Variants in MMP8 observed in about 807,000 individuals in gnomAD.
MMP8 encodes the protein matrix metallopeptidase 8, also known as neutrophil collagenase.
MMP8 carries 67 observed loss-of-function variants against 51.2 expected under a neutral mutation model. The observed-to-expected ratio is 1.31, with a 90% CI of 1.08 to 1.60. The LOEUF (loss-of-function observed/expected upper bound fraction) is 1.60. Ranked by LOEUF, MMP8 falls within the 40% of genes most tolerant of loss-of-function variation. The pLI, the probability that MMP8 is intolerant of heterozygous loss-of-function variation, is 0.00. For synonymous variants in MMP8, 225 were observed against 191.0 expected, an observed-to-expected ratio of 1.18 and a Z score of -1.47; for missense variants, 654 against 558.1, an observed-to-expected ratio of 1.17 and a Z score of -1.73.
chr11:102,723,426 C>T, intron 1 of MMP8: 1 of 424,766 alleles, frequency 2.4e-6, no homozygotes, highest in South Asian at 1.7e-5. Context: ...GTTGCTATAA[C>T]AGAATATCTG....
At chr11:102,721,264 G>T in intron 4 of MMP8, 137 bp downstream of exon 4, 1 of 1,279,454 alleles carries the variant, frequency 7.8e-7, no homozygotes, top group Non-Finnish European at 1.1e-6. Flanking sequence ...TCATGAGGTA[G>T]CAAAAATTTC....
Position 102,715,331 on chromosome 11 carries a change from C to A in MMP8, c.1009G>T (p.Asp337Tyr), listed in dbSNP as rs1239397796. Residue 337 changes from aspartate to tyrosine, a missense_variant, in exon 7 of 10, where the codon GAC becomes TAC. Transcript: ENST00000236826. ...TTAAATAGGAAAATGAGGTCTCTGT[C>A]AAAATCTTCATAAGCAGCCTGTATA... ...TGIQAAYEDFDRDLIFLFKGN... is the reference protein window; with the variant it reads ...TGIQAAYEDFYRDLIFLFKGN... The A allele has an allele frequency of 1.2e-6, 2 of 1,611,992 alleles. No individual in the cohort carries two copies. The highest frequency in any genetic ancestry group is 1.7e-6 in the Non-Finnish European group (2 of 1,179,336).
rs761450040 is a variant in MMP8 at position 102,718,517 on chromosome 11, G to T, written c.681C>A (p.His227Gln). Residue 227 changes from histidine to glutamine, a missense_variant, in exon 5 of 10, where the codon CAC becomes CAA. Coordinates refer to ENST00000236826, the MANE Select transcript of MMP8 (RefSeq NM_002424.3). The stretch of plus-strand genomic sequence containing the variant: ...ACATCAAGGCACCAGGGTCAGAGGA[G>T]TGAGCGAGCCCCAAAGAATGGCCAA... ...HEFGHSLGLA[H>Q]SSDPGALMYP... 3 of 1,614,000 alleles carry T rather than the reference G, an allele frequency of 1.9e-6. No homozygotes were observed. The highest frequency in any genetic ancestry group is 2.5e-6 in the Non-Finnish European group (3 of 1,179,918).
Position 102,711,934 on chromosome 11 carries a change from A to T in MMP8, c.*1414T>A, listed in dbSNP as rs962426975. 1.3e-5 allele frequency: 2 copies of T among 152,202 alleles called. No homozygotes were observed. The highest frequency in any genetic ancestry group is 1.3e-4 in the Admixed American group (2 of 15,282). The allele number at this position is 152,202 out of a possible 1,614,324, so 9.4% of individuals were successfully genotyped here. A position where few individuals can be genotyped will look rare whatever the true frequency, so the allele number is the denominator to read the frequency against. On this transcript the variant is annotated 3_prime_UTR_variant, in exon 10 of 10. Coordinates refer to ENST00000236826, the MANE Select transcript of MMP8 (RefSeq NM_002424.3). ...AAAGAAAATAGGAGGTACTAGTGAG[A>T]AATATATTTTACAGTCTACATATTT...
chr11:102,721,287 T>G, intron 4 of MMP8, 114 bp downstream of exon 4: 1 of 1,443,070 alleles, frequency 6.9e-7, no homozygotes, highest in Non-Finnish European at 9.3e-7. Flanking sequence ...ATGATCACTT[T>G]TTGTGAGTTT....
chr11:102,718,515 G>A lies in MMP8; in HGVS notation c.683C>T (p.Ser228Phe). ...EFGHSLGLAHSSDPGALMYPN... is the reference protein window; with the variant it reads ...EFGHSLGLAHFSDPGALMYPN... The stretch of plus-strand genomic sequence containing the variant: ...ATACATCAAGGCACCAGGGTCAGAG[G>A]AGTGAGCGAGCCCCAAAGAATGGCC... The change falls in exon 5 of 10, where the codon TCC becomes TTC. Residue 228 changes from serine to phenylalanine, a missense_variant. Transcript: ENST00000236826. 1 of 1,613,962 alleles carries A rather than the reference G, an allele frequency of 6.2e-7. No individual in the cohort carries two copies. The highest frequency in any genetic ancestry group is 1.1e-5 in the South Asian group (1 of 91,072).
In MMP8 at chr11:102,713,794, TG is replaced by T; in HGVS notation, c.1253del (p.Pro418GlnfsTer3). On this transcript the variant is annotated frameshift_variant, in exon 9 of 10. Transcript: ENST00000236826. LOFTEE classifies it low-confidence loss of function (END_TRUNC). ...CTGCATCAACTTTACTCTCTATTCC[TG>T]GAAAGGCACCTGATATGCTTTTGGG... ...GYPKSISGAF[P>X]GIESKVDAVF... The T allele has an allele frequency of 1.2e-6, 2 of 1,612,206 alleles. No homozygotes were observed. Among genetic ancestry groups the T allele is most frequent in the Non-Finnish European group, 1.7e-6 (2 of 1,179,194 alleles).
intron 6 of MMP8, among the ~76,000 whole-genome samples, chr11:102,716,098 T>G (rs1043183109): frequency 6.6e-6 from 1 of 152,088 alleles, no homozygotes; most frequent in African/African-American, 2.4e-5. Flanking sequence ...ATGGTACAAA[T>G]AGTCTTTAAA....
In MMP8 at chr11:102,722,496, G is replaced by A; in HGVS notation, c.280C>T (p.Pro94Ser). 1 of 1,613,880 alleles carries A rather than the reference G, an allele frequency of 6.2e-7. No individual in the cohort carries two copies. Among genetic ancestry groups the A allele is most frequent in the Non-Finnish European group, 8.5e-7 (1 of 1,179,848 alleles). Residue 94 changes from proline to serine, a missense_variant, in exon 2 of 10, where the codon CCT (proline) becomes TCT (serine). Coordinates refer to ENST00000236826, the MANE Select transcript of MMP8 (RefSeq NM_002424.3). ...GTTAACATAAAACCACCACTGTCAG[G>A]CACTCCACAGCGAGGCTTTTTCATC... The part of the protein sequence containing the change: ...DMMKKPRCGV[P>S]DSGGFMLTPG...
At chr11:102,723,640 C>T in intron 1 of MMP8, 1 of 349,646 alleles carries the variant, frequency 2.9e-6, no homozygotes, top group Non-Finnish European at 5.7e-6. Flanking sequence ...AATACCCATT[C>T]TATTAATTAC....
chr11:102,723,256 G>A (rs904270890), intron 1 of MMP8, among the ~76,000 whole-genome samples: 3 of 152,102 alleles, frequency 2.0e-5, no homozygotes, highest in African/African-American at 7.2e-5. Context: ...TAACTCTTTG[G>A]AAGTGTTAAA....
rs1861164328 is a variant in MMP8 at position 102,712,840 on chromosome 11, A to G, written c.*508T>C. On this transcript the variant is annotated 3_prime_UTR_variant, in exon 10 of 10. Transcript: ENST00000236826. ...TATCTTTTATGGGGGACACAATTCA[A>G]CCCACGAAACATATCATCTACATTT... 1 of 152,484 alleles carries G rather than the reference A, an allele frequency of 6.6e-6. No individual in the cohort carries two copies. The highest frequency in any genetic ancestry group is 2.4e-5 in the African/African-American group (1 of 41,428). 9.4% of individuals were successfully genotyped at this position (152,484 alleles called of 1,614,324 possible).
At position 102,721,338 on chromosome 11, in the gene MMP8, G is replaced by GTGTC. The variant is rs1861463589; in HGVS notation, c.622+62_622+63insGACA. 3 of 1,397,768 alleles carry GTGTC rather than the reference G, an allele frequency of 2.1e-6. No homozygotes were observed. In the Admixed American group the frequency reaches 5.1e-5, roughly 24 times the overall value. 86.6% of individuals were successfully genotyped at this position (1,397,768 alleles called of 1,614,324 possible). A position where few individuals can be genotyped will look rare whatever the true frequency, so the allele number is the denominator to read the frequency against. ...CTTTATTGTGTGTGTGTGTGTGTGT[G>GTGTC]TATTCTAATCTGTAAAAGGTTAATT... On this transcript the variant is annotated intron_variant, in intron 4 of 9. Transcript: ENST00000236826.
rs566409553 is a variant in MMP8, at chr11:102,716,490, A to C, written c.785-71T>G. ...TAAGTCCGGTGTGACTCTTGGGTAC[A>C]TCAGAGACTTCTCAGAAAGGTGAAG... On this transcript the variant is annotated intron_variant, in intron 5 of 9. Coordinates refer to ENST00000236826, the MANE Select transcript of MMP8 (RefSeq NM_002424.3). 9 of 931,492 alleles carry C rather than the reference A, an allele frequency of 9.7e-6. No individual in the cohort carries two copies. The South Asian group carries it at 1.3e-4, about 14-fold the overall frequency. 57.7% of individuals were successfully genotyped at this position (931,492 alleles called of 1,614,324 possible). A position where few individuals can be genotyped will look rare whatever the true frequency, so the allele number is the denominator to read the frequency against.
At position 102,721,336 on chromosome 11, in the gene MMP8, G is replaced by GTGTT. The variant is rs397813248; in HGVS notation, c.622+64_622+65insAACA. The GTGTT allele has an allele frequency of 4.4e-6, 6 of 1,366,594 alleles. No individual in the cohort carries two copies. In the East Asian group the frequency reaches 1.4e-4, roughly 31 times the overall value. 84.7% of individuals were successfully genotyped at this position (1,366,594 alleles called of 1,614,324 possible). A position where few individuals can be genotyped will look rare whatever the true frequency, so the allele number is the denominator to read the frequency against. Reference sequence around the variant, plus strand: ...ACCTTTATTGTGTGTGTGTGTGTGTGTGTATTCTAATCTGTAAAAGGTTAA... The same window carrying GTGTT: ...ACCTTTATTGTGTGTGTGTGTGTGTGTGTTTGTATTCTAATCTGTAAAAGGTTAA... On this transcript the variant is annotated intron_variant, in intron 4 of 9. Transcript: ENST00000236826.
At chr11:102,713,914 AT>A (rs955476370) in intron 8 of MMP8, 57 bp from the exon 9 acceptor site, 70 of 1,310,202 alleles carry the variant, frequency 5.3e-5, no homozygotes, top group African/African-American at 1.2e-4. Context: ...AACGAAAAAA[AT>A]TTTTTTTATT....
At chr11:102,716,818 G>A (rs1021514441) in intron 5 of MMP8, among the ~76,000 whole-genome samples, 3 of 151,956 alleles carry the variant, frequency 2.0e-5, no homozygotes, top group East Asian at 1.9e-4. Context: ...AGTCTTTTAC[G>A]CTATAGCATA....
chr11:102,723,937 T>G (rs189844644), intron 1 of MMP8: 132 of 332,896 alleles, frequency 4.0e-4, no homozygotes, highest in Non-Finnish European at 7.6e-4. Context: ...ATTTAAGATA[T>G]TTTTGTCTCT....
chr11:102,721,896 G>T, intron 2 of MMP8, 134 bp from the exon 3 acceptor site: 1 of 999,622 alleles, frequency 1.0e-6, no homozygotes, highest in Non-Finnish European at 1.5e-6. Context: ...GGGAGTGCAG[G>T]TCTCAGGGTG....
Sources: gnomAD v4.1 joint callset for allele counts (sites outside exome capture counted in the v4.1 genomes callset) on GRCh38, gnomAD v4.1.1 for gene constraint, MANE v1.5 for transcripts, NCBI Gene and HGNC (gene_info 2026-07-23, HGNC 2026-07-21) for gene names.